The following XYLT1 variants were observed in gnomAD, a reference collection of about 807,000 sequenced individuals.
XYLT1 encodes the protein xylosyltransferase 1.
In XYLT1, 36 loss-of-function variants were observed where a neutral mutation model predicts 91.3. The ratio of observed to expected loss-of-function variants is 0.39; its 90% CI spans 0.30 to 0.52. XYLT1 has a LOEUF of 0.52. XYLT1 is among the 20% of genes least tolerant of loss of function. The pLI is 0.68. For missense variants in XYLT1, 1,242 were observed against 1,284.5 expected, an observed-to-expected ratio of 0.97 and a Z score of 0.51; for synonymous variants, 588 against 532.0, an observed-to-expected ratio of 1.11 and a Z score of -1.45.
chr16:17,366,276 C>A (rs963609616), intron 1 of XYLT1, among the ~76,000 whole-genome samples: 12 of 152,102 alleles, frequency 7.9e-5, no homozygotes, highest in Non-Finnish European at 1.3e-4. Context: ...AATTTATCAC[C>A]CCCATATTAA....
chr16:17,131,895 C>T (rs761893332), intron 9 of XYLT1, among the ~76,000 whole-genome samples: 1 of 152,140 alleles, frequency 6.6e-6, no homozygotes, highest in Non-Finnish European at 1.5e-5. Context: ...TTTCAGGCTC[C>T]TATTCATAAA....
intron 2 of XYLT1, among the ~76,000 whole-genome samples, chr16:17,285,158 C>T (rs535840871): frequency 6.6e-6 from 1 of 152,276 alleles, no homozygotes; most frequent in African/African-American, 2.4e-5. Context: ...CCTCTTCTCT[C>T]CGGGGTGTTG....
intron 1 of XYLT1, among the ~76,000 whole-genome samples, chr16:17,458,704 T>C (rs2036776180): frequency 6.6e-6 from 1 of 152,160 alleles, no homozygotes. Context: ...CCAACCAAGC[T>C]GCAATCAGGA....
chr16:17,270,345 T>A (rs62033194), intron 2 of XYLT1, among the ~76,000 whole-genome samples: 20,248 of 152,180 alleles, frequency 0.13, 1,537 homozygotes, highest in African/African-American at 0.18. Context: ...CAAAGCGTGC[T>A]CAGAGCCCAG....
At chr16:17,263,002 T>C (rs1229883757) in intron 2 of XYLT1, among the ~76,000 whole-genome samples, 1 of 152,088 alleles carries the variant, frequency 6.6e-6, no homozygotes, top group Non-Finnish European at 1.5e-5. Flanking sequence ...TTAAATTCTG[T>C]CCCTAAGCCC....
chr16:17,402,244 G>A (rs563377323), intron 1 of XYLT1, among the ~76,000 whole-genome samples: 74 of 152,098 alleles, frequency 4.9e-4, no homozygotes, highest in African/African-American at 1.7e-3. Flanking sequence ...CCCTTGAGCC[G>A]GTGAGGTCAA....
At chr16:17,424,262 C>T (rs1176346106) in intron 1 of XYLT1, among the ~76,000 whole-genome samples, 1 of 152,200 alleles carries the variant, frequency 6.6e-6, no homozygotes, top group Non-Finnish European at 1.5e-5. Context: ...ACTTCCTCAC[C>T]TGTCAAATGA....
intron 9 of XYLT1, among the ~76,000 whole-genome samples, chr16:17,128,227 A>T (rs2030331718): frequency 6.6e-6 from 1 of 152,182 alleles, no homozygotes; most frequent in Non-Finnish European, 1.5e-5. Context: ...CTTATTTCCT[A>T]TGCATCTATT....
rs1359317402 is a variant in XYLT1 at position 17,265,259 on chromosome 16, G to A, written c.403-5761C>T. On this transcript the variant is annotated intron_variant, in intron 2 of 11. Transcript: ENST00000261381. ...AGTGTATGTAAAACTACTAGAATAT[G>A]CCCACCACACAAAGCTGGAAGAAGA... Among the ~76,000 whole-genome samples, 7 of 152,102 alleles carry A rather than the reference G, an allele frequency of 4.6e-5. No homozygotes were observed. The East Asian group carries it at 1.3e-3, about 29-fold the overall frequency.
At chr16:17,129,890 T>C (rs1163323960) in intron 9 of XYLT1, among the ~76,000 whole-genome samples, 1 of 152,218 alleles carries the variant, frequency 6.6e-6, no homozygotes. Context: ...CCATGTGACT[T>C]TGCAAGTTTC....
At chr16:17,139,148 G>A (rs1030931427) in intron 7 of XYLT1, among the ~76,000 whole-genome samples, 12 of 152,142 alleles carry the variant, frequency 7.9e-5, no homozygotes, top group African/African-American at 2.7e-4. Context: ...AAAACTAGAG[G>A]AGAAACAATC....
intron 1 of XYLT1, among the ~76,000 whole-genome samples, chr16:17,371,163 G>C (rs1206287262): frequency 6.6e-6 from 1 of 152,212 alleles, no homozygotes; most frequent in Non-Finnish European, 1.5e-5. Flanking sequence ...ACAAGGCAGA[G>C]AGCAAAGTTG....
chr16:17,396,723 T>G (rs1023599847), intron 1 of XYLT1, among the ~76,000 whole-genome samples: 7 of 152,032 alleles, frequency 4.6e-5, no homozygotes, highest in Admixed American at 4.6e-4. Context: ...TACAAAAAAT[T>G]AGCCGGGCGT....
At chr16:17,238,694 C>A (rs2033287823) in intron 3 of XYLT1, among the ~76,000 whole-genome samples, 1 of 152,214 alleles carries the variant, frequency 6.6e-6, no homozygotes, top group Non-Finnish European at 1.5e-5. Context: ...CTTCTTATTG[C>A]TAATTAAACT....
chr16:17,328,884 T>C (rs778832045), intron 2 of XYLT1, among the ~76,000 whole-genome samples: 1 of 152,200 alleles, frequency 6.6e-6, no homozygotes, highest in Non-Finnish European at 1.5e-5. Context: ...TCTCCAGAAA[T>C]GAGGCTCCCA....
At chr16:17,293,960 G>A (rs2034271436) in intron 2 of XYLT1, among the ~76,000 whole-genome samples, 2 of 152,298 alleles carry the variant, frequency 1.3e-5, no homozygotes, top group Middle Eastern at 6.8e-3. Flanking sequence ...TCTGGGGTCA[G>A]AGAAGAATGG....
chr16:17,362,078 G>A (rs950087589), intron 1 of XYLT1, among the ~76,000 whole-genome samples: 1 of 152,168 alleles, frequency 6.6e-6, no homozygotes, highest in African/African-American at 2.4e-5. Context: ...TCTGATCCCA[G>A]CATCTTACAC....
intron 1 of XYLT1, among the ~76,000 whole-genome samples, chr16:17,358,806 C>A (rs1323841075): frequency 2.0e-5 from 3 of 152,178 alleles, no homozygotes; most frequent in African/African-American, 7.2e-5. Context: ...CAATTTGTGT[C>A]TGATCTTGGA....
chr16:17,322,510 C>T (rs2034739687), intron 2 of XYLT1, among the ~76,000 whole-genome samples: 1 of 152,142 alleles, frequency 6.6e-6, no homozygotes, highest in Admixed American at 6.5e-5. Flanking sequence ...GAATCTGGCT[C>T]ACTCCCACCA....
Sources: gnomAD v4.1 joint callset for allele counts (sites outside exome capture counted in the v4.1 genomes callset) on GRCh38, gnomAD v4.1.1 for gene constraint, MANE v1.5 for transcripts, NCBI Gene and HGNC (gene_info 2026-07-23, HGNC 2026-07-21) for gene names.